The following EXOC1 variants were observed in gnomAD, a reference collection of about 807,000 sequenced individuals.
The protein encoded by EXOC1 is exocyst complex component 1, also known as SEC3-like 1.
A neutral mutation model predicts 107.7 loss-of-function variants in EXOC1; 67 were observed. The observed-to-expected ratio is 0.62, with a 90% CI of 0.51 to 0.76. The LOEUF (loss-of-function observed/expected upper bound fraction) is 0.76, where lower values mean the gene tolerates loss of function less well. EXOC1 is among the 30% of genes least tolerant of loss of function. The pLI is 0.00. For synonymous variants in EXOC1, 348 were observed against 353.5 expected, an observed-to-expected ratio of 0.98 and a Z score of 0.17; for missense variants, 833 against 1,055.7, an observed-to-expected ratio of 0.79 and a Z score of 2.92.
intron 8 of EXOC1, among the ~76,000 whole-genome samples, chr4:55,875,327 T>A (rs1476383089): frequency 1.3e-5 from 2 of 152,242 alleles, no homozygotes; most frequent in Non-Finnish European, 2.9e-5. Context: ...GATTAAGATC[T>A]ATTTTTGTGA....
chr4:55,872,847 GT>G (rs33940201), intron 8 of EXOC1: 25,390 of 700,802 alleles, frequency 0.036, 252 homozygotes, highest in Admixed American at 0.087. Context: ...CTCTGATTCT[GT>G]TTTTTTTTTT....
chr4:55,865,539 G>A (rs1298009140), intron 4 of EXOC1, among the ~76,000 whole-genome samples: 1 of 152,142 alleles, frequency 6.6e-6, no homozygotes, highest in Non-Finnish European at 1.5e-5. Context: ...AACTTTTCAT[G>A]CCTTGAATCG....
At chr4:55,889,453 C>T (rs1724263778) in intron 11 of EXOC1, among the ~76,000 whole-genome samples, 1 of 152,008 alleles carries the variant, frequency 6.6e-6, no homozygotes, top group African/African-American at 2.4e-5. Flanking sequence ...TGAGCTATTG[C>T]CAGCTATATG....
intron 12 of EXOC1, 71 bp from the exon 13 acceptor site, chr4:55,891,244 T>C (rs1404444360): frequency 1.1e-6 from 1 of 926,038 alleles, no homozygotes; most frequent in Non-Finnish European, 1.8e-6. Context: ...GAAAAGAAAA[T>C]TAAATGTGGA....
intron 4 of EXOC1, among the ~76,000 whole-genome samples, chr4:55,865,769 A>G (rs189470315): frequency 1.5e-4 from 23 of 152,294 alleles, no homozygotes; most frequent in East Asian, 9.6e-4. Context: ...TCATTAAGAA[A>G]TACTACCAAA....
In EXOC1 at chr4:55,891,300, T is replaced by A. The variant is rs1230062962; in HGVS notation, c.1540-15T>A. Reference sequence around the variant, plus strand: ...TGCAGTTCTTTCGTTATAGGATCACTTTGGTTTTCTTCAGATCTTTGAACA... The same window carrying A: ...TGCAGTTCTTTCGTTATAGGATCACATTGGTTTTCTTCAGATCTTTGAACA... On this transcript the variant is annotated splice_polypyrimidine_tract_variant and intron_variant, in intron 12 of 18. Transcript: ENST00000381295. The A allele has an allele frequency of 1.3e-6, 2 of 1,552,792 alleles. No individual in the cohort carries two copies. The highest frequency in any genetic ancestry group is 1.8e-6 in the Non-Finnish European group (2 of 1,124,606).
At position 55,899,719 on chromosome 4, in the gene EXOC1, C is replaced by T. The variant is rs1211009265; in HGVS notation, c.2172C>T (p.Pro724=). The T allele has an allele frequency of 1.2e-6, 2 of 1,613,416 alleles. No homozygotes were observed. The highest frequency in any genetic ancestry group is 2.2e-5 in the South Asian group (2 of 91,024). Residue 724 remains proline (P), a synonymous_variant, in exon 17 of 19, where the codon CCC becomes CCT. Coordinates refer to ENST00000381295, the MANE Select transcript of EXOC1 (RefSeq NM_001024924.2). The part of the protein sequence containing the change: ...EKVANESQKT[P]RDVVMMENFH... ...TAGCAAATGAAAGCCAGAAGACCCC[C>T]AGGGATGTGGTTATGATGGAAAACT...
chr4:55,902,328 T>A lies in EXOC1; in HGVS notation c.2338-16T>A. ...AATGCAGGTCTTAGCCATTGTTTCT[T>A]TTCATTTCCTTGAAGCATTTCTTTG... is the stretch of plus-strand genomic sequence containing the variant. On this transcript the variant is annotated splice_polypyrimidine_tract_variant and intron_variant, in intron 17 of 18. Coordinates refer to ENST00000381295, the MANE Select transcript of EXOC1 (RefSeq NM_001024924.2). 2 of 1,415,226 alleles carry A rather than the reference T, an allele frequency of 1.4e-6. No homozygotes were observed. Among genetic ancestry groups the A allele is most frequent in the Non-Finnish European group, 1.8e-6 (2 of 1,081,526 alleles). The allele number at this position is 1,415,226 out of a possible 1,614,324, so 87.7% of individuals were successfully genotyped here. A position where few individuals can be genotyped will look rare whatever the true frequency, so the allele number is the denominator to read the frequency against.
chr4:55,898,743 A>G (rs1264987267), intron 16 of EXOC1, among the ~76,000 whole-genome samples: 1 of 152,184 alleles, frequency 6.6e-6, no homozygotes, highest in Non-Finnish European at 1.5e-5. Context: ...GCTGGACTCT[A>G]TATAATCTTA....
chr4:55,893,810 A>G (rs1724858933), intron 15 of EXOC1, 30 bp downstream of exon 15: 2 of 1,560,608 alleles, frequency 1.3e-6, no homozygotes, highest in Non-Finnish European at 1.8e-6. Flanking sequence ...AAAATACCTT[A>G]GCATCCTAGT....
In EXOC1 at chr4:55,899,482, A is replaced by G. The variant is rs560249850; in HGVS notation, c.2138-203A>G. 3.9e-5 allele frequency among the ~76,000 whole-genome samples: 6 copies of G among 152,246 alleles called. No homozygotes were observed. The South Asian group carries it at 1.0e-3, about 26-fold the overall frequency. The stretch of plus-strand genomic sequence containing the variant: ...TACTTTTATTATATACTGAATTTCC[A>G]TATACACATGGGACTGTTTTAGGAT... On this transcript the variant is annotated intron_variant, in intron 16 of 18. Coordinates refer to ENST00000381295, the MANE Select transcript of EXOC1 (RefSeq NM_001024924.2).
intron 16 of EXOC1, among the ~76,000 whole-genome samples, chr4:55,899,474 G>T (rs1049867261): frequency 6.6e-6 from 1 of 151,962 alleles, no homozygotes; most frequent in African/African-American, 2.4e-5. Context: ...ATTATATACT[G>T]AATTTCCATA....
In EXOC1 at chr4:55,904,477, C is replaced by T. The variant is rs769617214; in HGVS notation, c.2667C>T (p.Ser889=). Residue 889 remains serine, a synonymous_variant, in exon 19 of 19, where the codon AGC becomes AGT. Coordinates refer to ENST00000381295, the MANE Select transcript of EXOC1 (RefSeq NM_001024924.2). The part of the protein sequence containing the change: ...TIQDILDYCS[S]IAQSH ...AGGACATTCTGGATTATTGTTCCAG[C>T]ATTGCACAGTCCCACTAAACCTTGT... 1 of 1,612,026 alleles carries T rather than the reference C, an allele frequency of 6.2e-7. No homozygotes were observed. Among genetic ancestry groups the T allele is most frequent in the Admixed American group, 1.7e-5 (1 of 59,738 alleles).
Position 55,871,113 on chromosome 4 carries a change from T to G in EXOC1, c.844T>G (p.Leu282Val). Residue 282 changes from leucine to valine, a missense_variant, in exon 7 of 19, where the codon TTG (leucine) becomes GTG (valine). Physicochemically the swap from Leu to Val is conservative, Grantham distance 32. This residue lies in a region of EXOC1 where 617 missense variants were observed against 701.3 expected (regional missense o/e 0.88). Transcript: ENST00000381295. ...GCATATATTCTAGAACCACATGGAC[T>G]TGGCCAAAGGTCATATAAAGGCCCT... ...EIEFLVNHMD[L>V]AKGHIKALQE... 1.9e-6 allele frequency: 3 copies of G among 1,613,718 alleles called. No individual in the cohort carries two copies. The highest frequency in any genetic ancestry group is 1.1e-5 in the South Asian group (1 of 91,030).
intron 3 of EXOC1, among the ~76,000 whole-genome samples, chr4:55,861,920 G>A (rs912683246): frequency 2.0e-5 from 3 of 152,190 alleles, no homozygotes; most frequent in Non-Finnish European, 4.4e-5. Context: ...TGGGCGTGGC[G>A]GCACACGCCT....
intron 5 of EXOC1, 43 bp downstream of exon 5, chr4:55,868,566 A>T (rs1451550828): frequency 9.0e-6 from 14 of 1,561,628 alleles, no homozygotes; most frequent in African/African-American, 1.4e-5. Context: ...TGTATAGTGG[A>T]TTGAGAAGGC....
intron 5 of EXOC1, 70 bp from the exon 6 acceptor site, chr4:55,870,608 A>T: frequency 6.9e-7 from 1 of 1,448,786 alleles, no homozygotes; most frequent in South Asian, 1.2e-5. Context: ...TCTTTTACAC[A>T]TCTAAATAAC....
At chr4:55,877,152 C>T in intron 8 of EXOC1, 1 of 980,530 alleles carries the variant, frequency 1.0e-6, no homozygotes. Context: ...GCTTATTTAG[C>T]TAATGTGTAC....
intron 15 of EXOC1, among the ~76,000 whole-genome samples, chr4:55,894,614 CTTTTTTTT>C (rs772700227): frequency 1.3e-5 from 1 of 76,116 alleles, no homozygotes; most frequent in Non-Finnish European, 2.3e-5. Flanking sequence ...CTATCTGTTA[CTTTTTTTT>C]TTTTTTTTTT....
Sources: allele counts gnomAD v4.1 joint callset (sites outside exome capture counted in the v4.1 genomes callset), GRCh38; gene constraint gnomAD v4.1.1; regional missense constraint gnomAD v4.1.1; transcripts MANE v1.5; gene names NCBI Gene and HGNC (gene_info 2026-07-23, HGNC 2026-07-21).